Variants in PRRT2 observed in about 807,000 individuals in gnomAD.
PRRT2 encodes proline-rich transmembrane protein 2.
In PRRT2, 9 loss-of-function variants were observed where a neutral mutation model predicts 24.7. That is an observed-to-expected ratio of 0.36 (90% confidence interval 0.22 to 0.64). The LOEUF (loss-of-function observed/expected upper bound fraction) is 0.64, where lower values mean the gene tolerates loss of function less well. PRRT2 is among the 30% of genes least tolerant of loss of function. The pLI is 0.65. For synonymous variants in PRRT2, 195 were observed against 175.5 expected (o/e 1.11, Z -0.88); for missense variants, 460 against 435.0 (o/e 1.06, Z -0.51).
Position 29,813,832 on chromosome 16 carries a change from G to C in PRRT2, c.778G>C (p.Glu260Gln). The C allele has an allele frequency of 6.2e-7, 1 of 1,613,684 alleles. No individual in the cohort carries two copies. Among genetic ancestry groups the C allele is most frequent in the Non-Finnish European group, 8.5e-7 (1 of 1,179,776 alleles). ...QLAGPGVEGG[E>Q]GTQKPRDYII... ...GGCAGGTCCTGGGGTGGAGGGGGGT[G>C]AAGGCACCCAGAAACCTCGGGACTA... Residue 260 changes from glutamate to glutamine, a missense_variant, in exon 2 of 4, where the codon GAA (glutamate) becomes CAA (glutamine). Physicochemically the swap from Glu to Gln is conservative, Grantham distance 29 (BLOSUM62 2). Coordinates refer to ENST00000358758, the MANE Select transcript of PRRT2 (RefSeq NM_145239.3).
rs756741951 is a variant in PRRT2, at chr16:29,814,414, C to T, written c.961C>T (p.Leu321=). ...AGCCAAGCTCTTAAGCATCGTGGCGCTGGTGGGGGGAGTCCTCATCATCAT... is the reference window on the plus strand; with the variant it reads ...AGCCAAGCTCTTAAGCATCGTGGCGTTGGTGGGGGGAGTCCTCATCATCAT... ...RVAKLLSIVA[L]VGGVLIIIAS... The change falls in exon 3 of 4, where the codon CTG becomes TTG. Residue 321 remains leucine, a synonymous_variant. Transcript: ENST00000358758. This position sits in a 1 kb window ranked among gnomAD's most constrained non-coding sequence, Gnocchi z 4.1. The T allele has an allele frequency of 6.8e-6, 11 of 1,608,968 alleles. No individual in the cohort carries two copies. In the East Asian group the frequency reaches 1.8e-4, roughly 26 times the overall value.
Position 29,813,250 on chromosome 16 carries a change from G to C in PRRT2, c.196G>C (p.Gly66Arg). The C allele has an allele frequency of 6.2e-7, 1 of 1,613,912 alleles. No individual in the cohort carries two copies. Reference protein sequence around the residue: ...AAPVDSGPKAGLAPETTETPA... With the variant: ...AAPVDSGPKARLAPETTETPA... ...CCCTGTGGACTCAGGGCCCAAGGCT[G>C]GGCTGGCTCCAGAAACCACAGAGAC... is the stretch of plus-strand genomic sequence containing the variant. Residue 66 changes from glycine (G) to arginine (R), a missense_variant, in exon 2 of 4, where the codon GGG becomes CGG. This residue lies in a region of PRRT2 where 378 missense variants were observed against 324.6 expected (regional missense o/e 1.16). Transcript: ENST00000358758.
rs1567380244 is a variant in PRRT2 at position 29,814,028 on chromosome 16, C to T, written c.879+95C>T. On this transcript the variant is annotated intron_variant, in intron 2 of 3. Coordinates refer to ENST00000358758, the MANE Select transcript of PRRT2 (RefSeq NM_145239.3). This position sits in a 1 kb window ranked among gnomAD's most constrained non-coding sequence, Gnocchi z 4.1. ...CTCTGGAGTAATCATGCCTTCCTTC[C>T]CCTCTCCTCTCTGCATGGATCCCAC... is the stretch of plus-strand genomic sequence containing the variant. The T allele has an allele frequency of 3.3e-6, 5 of 1,504,356 alleles. No homozygotes were observed. The East Asian group carries it at 1.1e-4, about 35-fold the overall frequency. The allele number at this position is 1,504,356 out of a possible 1,614,324, so 93.2% of individuals were successfully genotyped here.
Position 29,813,193 on chromosome 16 carries a change from G to T in PRRT2, c.139G>T (p.Ala47Ser), listed in dbSNP as rs750429521. The change falls in exon 2 of 4, where the codon GCC becomes TCC. Residue 47 changes from alanine (A) to serine (S), a missense_variant. Physicochemically the swap from Ala to Ser is moderately conservative, Grantham distance 99 (BLOSUM62 1). Coordinates refer to ENST00000358758, the MANE Select transcript of PRRT2 (RefSeq NM_145239.3). ...VLAGVPDQPE[A>S]PQPGPNTTAA... ...AGCAGGGGTACCAGACCAGCCAGAG[G>T]CCCCGCAGCCAGGTCCAAACACCAC... The T allele has an allele frequency of 7.4e-6, 12 of 1,613,798 alleles. No individual in the cohort carries two copies. The South Asian group carries it at 1.2e-4, about 16-fold the overall frequency.
chr16:29,813,442 G>T lies in PRRT2; in HGVS notation c.388G>T (p.Ala130Ser), dbSNP rs1400751381. 6.2e-7 allele frequency: 1 copy of T among 1,614,066 alleles called. No homozygotes were observed. The part of the protein sequence containing the change: ...ADQGSRLESA[A>S]PPEPAPEPAP... ...CCAGGGGTCCAGGCTGGAGTCTGCA[G>T]CCCCACCTGAACCAGCCCCAGAGCC... The change falls in exon 2 of 4, where the codon GCC becomes TCC. Residue 130 changes from alanine (A) to serine (S), a missense_variant. Coordinates refer to ENST00000358758, the MANE Select transcript of PRRT2 (RefSeq NM_145239.3).
At position 29,813,901 on chromosome 16, in the gene PRRT2, G is replaced by A. The variant is rs1900115632; in HGVS notation, c.847G>A (p.Val283Ile). 1.2e-6 allele frequency: 2 copies of A among 1,606,912 alleles called. No individual in the cohort carries two copies. The highest frequency in any genetic ancestry group is 1.7e-6 in the Non-Finnish European group (2 of 1,176,622). The change falls in exon 2 of 4, where the codon GTC becomes ATC. Residue 283 changes from valine (V) to isoleucine (I), a missense_variant. By Grantham distance (29) the Val-to-Ile change is conservative. This residue lies in a region of PRRT2 where 18 missense variants were observed against 39.2 expected (regional missense o/e 0.46). Transcript: ENST00000358758. ...ILSCFCPMWP[V>I]NIVAFAYAVM... The stretch of plus-strand genomic sequence containing the variant: ...GTCCTGCTTCTGCCCCATGTGGCCT[G>A]TCAACATCGTGGCCTTCGCTTATGC...
rs1157364599 is a variant in PRRT2, at chr16:29,814,017, T to C, written c.879+84T>C. Reference sequence around the variant, plus strand: ...TGCAATAGAGCCTCTGGAGTAATCATGCCTTCCTTCCCCTCTCCTCTCTGC... The same window carrying C: ...TGCAATAGAGCCTCTGGAGTAATCACGCCTTCCTTCCCCTCTCCTCTCTGC... On this transcript the variant is annotated intron_variant, in intron 2 of 3. Transcript: ENST00000358758. This position sits in a 1 kb window ranked among gnomAD's most constrained non-coding sequence, Gnocchi z 4.1. 2 of 1,509,814 alleles carry C rather than the reference T, an allele frequency of 1.3e-6. No individual in the cohort carries two copies. The highest frequency in any genetic ancestry group is 1.4e-5 in the African/African-American group (1 of 71,558). The allele number at this position is 1,509,814 out of a possible 1,614,324, so 93.5% of individuals were successfully genotyped here. A position where few individuals can be genotyped will look rare whatever the true frequency, so the allele number is the denominator to read the frequency against.
Position 29,814,058 on chromosome 16 carries a change from C to G in PRRT2, c.879+125C>G. On this transcript the variant is annotated intron_variant, in intron 2 of 3. Transcript: ENST00000358758. The surrounding 1 kb of genome is among the most constrained non-coding windows in gnomAD (Gnocchi z 4.1). ...TCCTCTCTGCATGGATCCCACCTCC[C>G]CAATTCCAGGGCCTTTGTTTGCCTC... is the stretch of plus-strand genomic sequence containing the variant. The G allele has an allele frequency of 3.4e-6, 5 of 1,481,434 alleles. No homozygotes were observed. The highest frequency in any genetic ancestry group is 4.4e-6 in the Non-Finnish European group (5 of 1,123,930). 91.8% of individuals were successfully genotyped at this position (1,481,434 alleles called of 1,614,324 possible).
At position 29,814,232 on chromosome 16, in the gene PRRT2, GC is replaced by G; in HGVS notation, c.880-100del. ...TCCTCCCTTACCCGCCATCTATGGG[GC>G]TGGCCTCTCTCTCTTCTGGATGACT... On this transcript the variant is annotated intron_variant, in intron 2 of 3. Coordinates refer to ENST00000358758, the MANE Select transcript of PRRT2 (RefSeq NM_145239.3). The surrounding 1 kb of genome is among the most constrained non-coding windows in gnomAD (Gnocchi z 4.1). 1 of 1,498,254 alleles carries G rather than the reference GC, an allele frequency of 6.7e-7. No individual in the cohort carries two copies. Among genetic ancestry groups the G allele is most frequent in the Admixed American group, 2.3e-5 (1 of 44,084 alleles). 92.8% of individuals were successfully genotyped at this position (1,498,254 alleles called of 1,614,324 possible). A position where few individuals can be genotyped will look rare whatever the true frequency, so the allele number is the denominator to read the frequency against.
At position 29,813,838 on chromosome 16, in the gene PRRT2, A is replaced by G; in HGVS notation, c.784A>G (p.Thr262Ala). 1 of 1,613,632 alleles carries G rather than the reference A, an allele frequency of 6.2e-7. No homozygotes were observed. The highest frequency in any genetic ancestry group is 1.1e-5 in the South Asian group (1 of 91,042). ...TCCTGGGGTGGAGGGGGGTGAAGGCACCCAGAAACCTCGGGACTACATCAT... is the reference window on the plus strand; with the variant it reads ...TCCTGGGGTGGAGGGGGGTGAAGGCGCCCAGAAACCTCGGGACTACATCAT... Reference protein sequence around the residue: ...AGPGVEGGEGTQKPRDYIILA... With the variant: ...AGPGVEGGEGAQKPRDYIILA... The change falls in exon 2 of 4, where the codon ACC (threonine) becomes GCC (alanine). Residue 262 changes from threonine (T) to alanine (A), a missense_variant. By Grantham distance (58) the Thr-to-Ala change is moderately conservative (BLOSUM62 0). Coordinates refer to ENST00000358758, the MANE Select transcript of PRRT2 (RefSeq NM_145239.3).
chr16:29,814,311 C>T lies in PRRT2; in HGVS notation c.880-22C>T. ...TTCTCCTGACCCCGGCTATGTGCCT[C>T]CACCCCTCGCCCTAACCCCAGTCCC... is the stretch of plus-strand genomic sequence containing the variant. On this transcript the variant is annotated intron_variant, in intron 2 of 3. Coordinates refer to ENST00000358758, the MANE Select transcript of PRRT2 (RefSeq NM_145239.3). This position sits in a 1 kb window ranked among gnomAD's most constrained non-coding sequence, Gnocchi z 4.1. 6.4e-7 allele frequency: 1 copy of T among 1,572,506 alleles called. No homozygotes were observed. The highest frequency in any genetic ancestry group is 8.6e-7 in the Non-Finnish European group (1 of 1,167,218).
intron 1 of PRRT2, 145 bp downstream of exon 1, chr16:29,812,468 C>G (rs1001591175): frequency 1.3e-5 from 2 of 152,492 alleles, no homozygotes; most frequent in African/African-American, 4.8e-5. Flanking sequence ...GCCAGCCCAC[C>G]GAAGGCGAGG....
In PRRT2 at chr16:29,814,668, C is replaced by T; in HGVS notation, c.*30C>T. 6.2e-7 allele frequency: 1 copy of T among 1,600,874 alleles called. No homozygotes were observed. Among genetic ancestry groups the T allele is most frequent in the Non-Finnish European group, 8.5e-7 (1 of 1,173,282 alleles). ...CTCTGCCCCGCATCCCAAGACTTTT[C>T]TTCCTGTTGGGAGCTGCCTTGGGCC... On this transcript the variant is annotated 3_prime_UTR_variant, in exon 4 of 4. Coordinates refer to ENST00000358758, the MANE Select transcript of PRRT2 (RefSeq NM_145239.3). The surrounding 1 kb of genome is among the most constrained non-coding windows in gnomAD (Gnocchi z 4.1).
rs757291225 is a variant in PRRT2, at chr16:29,813,752, G to A, written c.698G>A (p.Ser233Asn). The A allele has an allele frequency of 1.0e-5, 16 of 1,590,360 alleles. No homozygotes were observed. Among genetic ancestry groups the A allele is most frequent in the Non-Finnish European group, 1.3e-5 (15 of 1,167,726 alleles). ...GAGGATCGAATGAGAAGGGCACACA[G>A]TGGGCATCCAGGATCTCCCCGAGGT... Reference protein sequence around the residue: ...VEEDRMRRAHSGHPGSPRGSL... With the variant: ...VEEDRMRRAHNGHPGSPRGSL... The change falls in exon 2 of 4, where the codon AGT becomes AAT. Residue 233 changes from serine (S) to asparagine (N), a missense_variant. Coordinates refer to ENST00000358758, the MANE Select transcript of PRRT2 (RefSeq NM_145239.3).
chr16:29,815,724 T>TAAAAAAAAAA lies in PRRT2; in HGVS notation c.*1104_*1113dup, dbSNP rs10569553. ...CGGATTTGGCGGGGGTTTTTTTCCTTAAAAAAAAAAAAAAAAAAAAAAAAA... is the reference window on the plus strand; with the variant it reads ...CGGATTTGGCGGGGGTTTTTTTCCTTAAAAAAAAAAAAAAAAAAAAAAAAAAAAAAAAAAA... On this transcript the variant is annotated 3_prime_UTR_variant, in exon 4 of 4. Transcript: ENST00000358758. 3 of 30,354 alleles carry TAAAAAAAAAA rather than the reference T, an allele frequency of 9.9e-5. No individual in the cohort carries two copies. Among genetic ancestry groups the TAAAAAAAAAA allele is most frequent in the African/African-American group, 4.1e-4 (3 of 7,374 alleles). 1.9% of individuals were successfully genotyped at this position (30,354 alleles called of 1,614,324 possible). A position where few individuals can be genotyped will look rare whatever the true frequency, so the allele number is the denominator to read the frequency against.
chr16:29,812,944 G>A (rs1900050623), intron 1 of PRRT2, 46 bp from the exon 2 acceptor site: 1 of 1,204,368 alleles, frequency 8.3e-7, no homozygotes, highest in African/African-American at 1.5e-5. Context: ...GCAGTGCTGA[G>A]CGCCCTCTTC....
chr16:29,814,426 G>A lies in PRRT2; in HGVS notation c.973G>A (p.Val325Ile), dbSNP rs2142429422. ...LLSIVALVGG[V>I]LIIIASCVIN... Reference sequence around the variant, plus strand: ...AAGCATCGTGGCGCTGGTGGGGGGAGTCCTCATCATCATCGCCTCCTGCGT... The same window carrying A: ...AAGCATCGTGGCGCTGGTGGGGGGAATCCTCATCATCATCGCCTCCTGCGT... The change falls in exon 3 of 4, where the codon GTC becomes ATC. Residue 325 changes from valine to isoleucine, a missense_variant. Physicochemically the swap from Val to Ile is conservative, Grantham distance 29. Around this residue, in one of 3 missense-constraint regions of PRRT2, gnomAD observed 64 missense variants for 71.2 expected, o/e 0.90. Transcript: ENST00000358758. This position sits in a 1 kb window ranked among gnomAD's most constrained non-coding sequence, Gnocchi z 4.1. 3 of 1,607,342 alleles carry A rather than the reference G, an allele frequency of 1.9e-6. No homozygotes were observed. Among genetic ancestry groups the A allele is most frequent in the Non-Finnish European group, 2.5e-6 (3 of 1,176,666 alleles).
Position 29,814,418 on chromosome 16 carries a change from T to TG in PRRT2, c.971dup (p.Val325SerfsTer16), listed in dbSNP as rs796052941. 3 of 1,608,388 alleles carry TG rather than the reference T, an allele frequency of 1.9e-6. No homozygotes were observed. Among genetic ancestry groups the TG allele is most frequent in the East Asian group, 2.2e-5 (1 of 44,842 alleles). On this transcript the variant is annotated frameshift_variant, in exon 3 of 4. Transcript: ENST00000358758. LOFTEE classifies it high-confidence loss of function. The surrounding 1 kb of genome is among the most constrained non-coding windows in gnomAD (Gnocchi z 4.1). ...AAGCTCTTAAGCATCGTGGCGCTGG[T>TG]GGGGGGAGTCCTCATCATCATCGCC...
In PRRT2 at chr16:29,813,576, T is replaced by C; in HGVS notation, c.522T>C (p.Ser174=). 6 of 1,610,432 alleles carry C rather than the reference T, an allele frequency of 3.7e-6. No individual in the cohort carries two copies. Among genetic ancestry groups the C allele is most frequent in the Non-Finnish European group, 5.1e-6 (6 of 1,178,996 alleles). Residue 174 remains serine, a synonymous_variant, in exon 2 of 4, where the codon AGT becomes AGC. Coordinates refer to ENST00000358758, the MANE Select transcript of PRRT2 (RefSeq NM_145239.3). The part of the protein sequence containing the change: ...EDPTPEILSE[S]VGEKQENGAV... ...CCACCCCTGAGATTCTGTCTGAGAG[T>C]GTAGGGGAAAAGCAAGAGAATGGGG...
Sources: gnomAD v4.1 joint callset for allele counts on GRCh38, gnomAD v4.1.1 for gene constraint, gnomAD v4.1.1 regional missense constraint, Gnocchi (gnomAD v3.1) non-coding constraint, MANE v1.5 for transcripts, NCBI Gene and HGNC (gene_info 2026-07-23, HGNC 2026-07-21) for gene names.